ZNF385D: variants seen among roughly 807,000 people sequenced by gnomAD.
The protein encoded by ZNF385D is zinc finger protein 659.
ZNF385D carries 15 observed loss-of-function variants against 35.8 expected under a neutral mutation model. The observed-to-expected ratio is 0.42, with a 90% CI of 0.28 to 0.64. The LOEUF (loss-of-function observed/expected upper bound fraction) is 0.64. Ranked by LOEUF, ZNF385D falls within the 30% of genes least tolerant of loss-of-function variation. The pLI, the probability that ZNF385D is intolerant of heterozygous loss-of-function variation, is 0.23. For missense variants in ZNF385D, 474 were observed against 494.6 expected, an observed-to-expected ratio of 0.96 and a Z score of 0.39; for synonymous variants, 212 against 186.8, an observed-to-expected ratio of 1.13 and a Z score of -1.10.
intron 3 of ZNF385D, among the ~76,000 whole-genome samples, chr3:22,091,356 C>T (rs940335022): frequency 4.6e-5 from 7 of 152,112 alleles, no homozygotes; most frequent in Admixed American, 2.0e-4. Flanking sequence ...GGGGATTCTG[C>T]CATTGGGATG....
chr3:22,227,490 G>T (rs148073625), intron 2 of ZNF385D, among the ~76,000 whole-genome samples: 83 of 152,198 alleles, frequency 5.5e-4, no homozygotes, highest in African/African-American at 1.9e-3. Flanking sequence ...TGTGCTTTTC[G>T]TTTGATCACA....
chr3:21,938,986 CT>C (rs1701389431), intron 3 of ZNF385D, among the ~76,000 whole-genome samples: 1 of 152,200 alleles, frequency 6.6e-6, no homozygotes, highest in Admixed American at 6.5e-5. Flanking sequence ...ATCTTTTGTG[CT>C]TCCTGGTATC....
At chr3:22,188,697 G>A (rs1196898149) in intron 2 of ZNF385D, among the ~76,000 whole-genome samples, 2 of 152,112 alleles carry the variant, frequency 1.3e-5, no homozygotes, top group African/African-American at 2.4e-5. Flanking sequence ...TGATCCGCCT[G>A]TCTCAGACTC....
intron 2 of ZNF385D, among the ~76,000 whole-genome samples, chr3:22,186,969 A>T (rs971072236): frequency 6.6e-6 from 1 of 152,178 alleles, no homozygotes. Context: ...TACTGTAATT[A>T]TCCCCAATTT....
At chr3:21,661,636 C>T (rs914236394) in intron 2 of ZNF385D, among the ~76,000 whole-genome samples, 2 of 152,132 alleles carry the variant, frequency 1.3e-5, no homozygotes, top group Admixed American at 6.6e-5. Context: ...CTGGGAAATA[C>T]GTGAGGAATT....
rs1425688774 is a variant in ZNF385D, at chr3:21,683,066, G to C, written c.23-18038C>G. Reference sequence around the variant, plus strand: ...CTACTTCAAGTTTTGATTTCTGAGTGGGAGCTGCTAATTTGCATTACTTAC... The same window carrying C: ...CTACTTCAAGTTTTGATTTCTGAGTCGGAGCTGCTAATTTGCATTACTTAC... On this transcript the variant is annotated intron_variant, in intron 1 of 7. Transcript: ENST00000281523. Among the ~76,000 whole-genome samples, 2 of 149,730 alleles carry C rather than the reference G, an allele frequency of 1.3e-5. 1 individual carries two copies. The highest frequency in any genetic ancestry group is 6.4e-3 in the Middle Eastern group (2 of 312).
intron 3 of ZNF385D, among the ~76,000 whole-genome samples, chr3:21,767,831 G>C (rs1016041882): frequency 6.6e-6 from 1 of 152,048 alleles, no homozygotes; most frequent in Admixed American, 6.6e-5. Context: ...AGTAATTAAA[G>C]AAGTTAAATT....
At chr3:21,908,650 A>G (rs2125909977) in intron 3 of ZNF385D, among the ~76,000 whole-genome samples, 1 of 152,210 alleles carries the variant, frequency 6.6e-6, no homozygotes, top group South Asian at 2.1e-4. Flanking sequence ...TTTAAAATGA[A>G]GAAATTTGGC....
rs1435359092 is a variant in ZNF385D at position 21,985,377 on chromosome 3, G to C, written c.325+183440C>G. Reference sequence around the variant, plus strand: ...ATTTCTTGAGAGTTTTTAGCATGAAGGGTTGTTGAATTTTGTCAAAGGCTT... The same window carrying C: ...ATTTCTTGAGAGTTTTTAGCATGAACGGTTGTTGAATTTTGTCAAAGGCTT... On this transcript the variant is annotated intron_variant, in intron 3 of 5. Transcript: ENST00000494108. Among the ~76,000 whole-genome samples, 4 of 114,542 alleles carry C rather than the reference G, an allele frequency of 3.5e-5. No homozygotes were observed. In the South Asian group the frequency reaches 9.5e-4, roughly 27 times the overall value. The allele number at this position is 114,542 out of a possible 152,430, so 75.1% of individuals were successfully genotyped here.
intron 1 of ZNF385D, among the ~76,000 whole-genome samples, chr3:21,707,857 T>C (rs2067964469): frequency 1.3e-5 from 2 of 152,220 alleles, no homozygotes; most frequent in South Asian, 4.1e-4. Context: ...TTTAAAATTT[T>C]AGAAGATGAG....
At chr3:21,525,583 C>G (rs895447002) in intron 3 of ZNF385D, among the ~76,000 whole-genome samples, 25 of 148,376 alleles carry the variant, frequency 1.7e-4, no homozygotes, top group Admixed American at 1.0e-3. Context: ...ACTCAGGAGG[C>G]TGAGGGAGGA....
chr3:21,739,467 G>C (rs1166142679), intron 1 of ZNF385D, among the ~76,000 whole-genome samples: 1 of 152,286 alleles, frequency 6.6e-6, no homozygotes, highest in South Asian at 2.1e-4. Flanking sequence ...GCCCTCATAA[G>C]TTGTTACAGA....
intron 2 of ZNF385D, among the ~76,000 whole-genome samples, chr3:22,225,392 GC>G (rs1287044598): frequency 6.6e-6 from 1 of 152,070 alleles, no homozygotes; most frequent in East Asian, 1.9e-4. Flanking sequence ...TGTAACCCGA[GC>G]CCACCCTGAA....
intron 2 of ZNF385D, among the ~76,000 whole-genome samples, chr3:22,341,527 C>T (rs928648871): frequency 6.6e-6 from 1 of 152,200 alleles, no homozygotes; most frequent in East Asian, 1.9e-4. Context: ...AGTCTCCTAT[C>T]TTCAACTAAT....
At chr3:21,494,433 A>G (rs1332600595) in intron 4 of ZNF385D, among the ~76,000 whole-genome samples, 1 of 152,164 alleles carries the variant, frequency 6.6e-6, no homozygotes, top group African/African-American at 2.4e-5. Context: ...GTAATATAGC[A>G]GACATGGTGA....
chr3:22,094,633 A>G (rs1205804929), intron 3 of ZNF385D, among the ~76,000 whole-genome samples: 1 of 151,942 alleles, frequency 6.6e-6, no homozygotes, highest in Non-Finnish European at 1.5e-5. Context: ...CATCCCAGTG[A>G]GAAGCTTTGG....
chr3:21,449,444 T>C lies in ZNF385D; in HGVS notation c.440-12241A>G, dbSNP rs140620497. On this transcript the variant is annotated intron_variant, in intron 4 of 7. Coordinates refer to ENST00000281523, the MANE Select transcript of ZNF385D (RefSeq NM_024697.3). Reference sequence around the variant, plus strand: ...AGAAGTTCTAATATTTCACCATTAATTTTGATAAGATAATGTTTAAAATAT... The same window carrying C: ...AGAAGTTCTAATATTTCACCATTAACTTTGATAAGATAATGTTTAAAATAT... 2.1e-3 allele frequency among the ~76,000 whole-genome samples: 327 copies of C among 152,326 alleles called. 2 individuals carry two copies. The highest frequency in any genetic ancestry group is 7.5e-3 in the African/African-American group (310 of 41,588).
chr3:21,785,264 TTATA>T (rs140811629), intron 3 of ZNF385D, among the ~76,000 whole-genome samples: 2 of 151,798 alleles, frequency 1.3e-5, no homozygotes, highest in African/African-American at 4.8e-5. Flanking sequence ...CCATTAAAAA[TTATA>T]TATATATATG....
chr3:21,934,612 G>C (rs1389194559), intron 3 of ZNF385D, among the ~76,000 whole-genome samples: 1 of 152,072 alleles, frequency 6.6e-6, no homozygotes, highest in African/African-American at 2.4e-5. Flanking sequence ...ACATCACAAA[G>C]ACATTAGAAA....
Sources: gnomAD v4.1 joint callset for allele counts (sites outside exome capture counted in the v4.1 genomes callset) on GRCh38, gnomAD v4.1.1 for gene constraint, MANE v1.5 for transcripts, NCBI Gene and HGNC (gene_info 2026-07-23, HGNC 2026-07-21) for gene names.